Variants in CRTAM observed in about 807,000 individuals in gnomAD.
CRTAM encodes the protein cytotoxic and regulatory T-cell molecule.
In CRTAM, 44 loss-of-function variants were observed where a neutral mutation model predicts 50.0. The observed-to-expected ratio is 0.88, with a 90% confidence interval of 0.69 to 1.13. The LOEUF (loss-of-function observed/expected upper bound fraction) is 1.13. CRTAM is among the 50% of genes most tolerant of loss of function. The pLI is 0.00. For synonymous variants in CRTAM, 159 were observed against 169.3 expected (o/e 0.94, Z 0.47); for missense variants, 448 against 457.5 (o/e 0.98, Z 0.19).
chr11:122,838,589 C>T lies in CRTAM; in HGVS notation c.43C>T (p.Gln15Ter). 6.2e-7 allele frequency: 1 copy of T among 1,614,096 alleles called. No individual in the cohort carries two copies. Among genetic ancestry groups the T allele is most frequent in the African/African-American group, 1.3e-5 (1 of 75,056 alleles). ...CAGCTTGCTGGCATGGTTCCCCTTG[C>T]AAGGTAAGGACTTAGAGTTATTTTT... is the stretch of plus-strand genomic sequence containing the variant. ...VLSLLAWFPLQEASLTNHTET... is the reference protein window; with the variant it reads ...VLSLLAWFPL The change falls in exon 1 of 10, where the codon CAA becomes TAA. Residue 15 changes from glutamine to a stop codon, truncating the protein, a stop_gained. Transcript: ENST00000227348. LOFTEE classifies it high-confidence loss of function.
intron 1 of CRTAM, among the ~76,000 whole-genome samples, chr11:122,848,048 A>T (rs1000517833): frequency 1.3e-5 from 2 of 152,200 alleles, no homozygotes. Context: ...TTACACTGCA[A>T]CTGTGGGCTT....
At chr11:122,851,068 G>T (rs1269005984) in intron 2 of CRTAM, among the ~76,000 whole-genome samples, 1 of 151,910 alleles carries the variant, frequency 6.6e-6, no homozygotes, top group Non-Finnish European at 1.5e-5. Context: ...TTCAAGACCA[G>T]CCTGGCCAAT....
chr11:122,855,645 C>T lies in CRTAM; in HGVS notation c.491-50C>T, dbSNP rs115959193. The T allele has an allele frequency of 2.7e-3, 4,184 of 1,558,686 alleles. 68 individuals are homozygous for T. The African/African-American group carries it at 0.047, about 18-fold the overall frequency. ...GGCCATTGGCCTCTAATAGAACCAA[C>T]CTCATCCAGTAGCATTAAATAGCCA... On this transcript the variant is annotated intron_variant, in intron 4 of 9. Transcript: ENST00000227348.
intron 9 of CRTAM, among the ~76,000 whole-genome samples, chr11:122,868,361 G>GTC (rs1862209352): frequency 2.0e-5 from 3 of 152,052 alleles, no homozygotes; most frequent in Non-Finnish European, 4.4e-5. Flanking sequence ...CAAGTTCAAA[G>GTC]GCCTGAGAAC....
At chr11:122,858,683 C>T (rs2135244211) in intron 5 of CRTAM, among the ~76,000 whole-genome samples, 1 of 152,222 alleles carries the variant, frequency 6.6e-6, no homozygotes, top group Non-Finnish European at 1.5e-5. Flanking sequence ...GTGCACACAC[C>T]ACACCTGGTT....
At chr11:122,846,023 T>A (rs958636906) in intron 1 of CRTAM, among the ~76,000 whole-genome samples, 3 of 151,854 alleles carry the variant, frequency 2.0e-5, no homozygotes, top group African/African-American at 7.3e-5. Context: ...AAAAAAACAA[T>A]GATGGTAGAA....
intron 1 of CRTAM, among the ~76,000 whole-genome samples, chr11:122,839,460 C>T (rs892133159): frequency 1.3e-5 from 2 of 152,194 alleles, no homozygotes; most frequent in South Asian, 2.1e-4. Flanking sequence ...CCAATGAAAA[C>T]TTCGTGTTTA....
At chr11:122,868,157 G>A in intron 9 of CRTAM, 58 bp downstream of exon 9, 1 of 1,054,928 alleles carries the variant, frequency 9.5e-7, no homozygotes, top group East Asian at 2.4e-5. Context: ...GTATTAGTCA[G>A]ATTTCTCCAG....
chr11:122,866,023 C>T (rs985038800), intron 7 of CRTAM, among the ~76,000 whole-genome samples: 1 of 152,058 alleles, frequency 6.6e-6, no homozygotes, highest in Non-Finnish European at 1.5e-5. Flanking sequence ...AGCACCCTAC[C>T]ATCAAAATAT....
At chr11:122,843,665 C>T (rs74697618) in intron 1 of CRTAM, among the ~76,000 whole-genome samples, 135 of 152,202 alleles carry the variant, frequency 8.9e-4, no homozygotes, top group African/African-American at 3.2e-3. Flanking sequence ...TATCTCACAC[C>T]CCATCCCTCT....
intron 9 of CRTAM, 23 bp downstream of exon 9, chr11:122,868,122 G>C (rs765043815): frequency 2.8e-6 from 4 of 1,427,422 alleles, no homozygotes; most frequent in Non-Finnish European, 3.9e-6. Flanking sequence ...TATGACCTGA[G>C]ATCTGAACAA....
rs1861934466 is a variant in CRTAM at position 122,851,845 on chromosome 11, G to T, written c.346G>T (p.Ala116Ser). The T allele has an allele frequency of 6.2e-7, 1 of 1,613,808 alleles. No individual in the cohort carries two copies. The highest frequency in any genetic ancestry group is 1.3e-5 in the African/African-American group (1 of 74,904). The change falls in exon 3 of 10, where the codon GCA becomes TCA. Residue 116 changes from alanine to serine, a missense_variant and splice_region_variant. By Grantham distance (99) the Ala-to-Ser change is moderately conservative (BLOSUM62 1). Transcript: ENST00000227348. Reference sequence around the variant, plus strand: ...AAAGGAAGTGAAAGTGATTGTGCTGGGTAGGTACCTGCAAGTGAACCCAGT... The same window carrying T: ...AAAGGAAGTGAAAGTGATTGTGCTGTGTAGGTACCTGCAAGTGAACCCAGT... ...STKEVKVIVL[A>S]TPFKPILEAS...
chr11:122,842,788 G>T (rs2135228465), intron 1 of CRTAM, among the ~76,000 whole-genome samples: 1 of 152,278 alleles, frequency 6.6e-6, no homozygotes. Flanking sequence ...TCAAATATCT[G>T]GTGTGCAGTG....
intron 4 of CRTAM, among the ~76,000 whole-genome samples, chr11:122,854,542 T>C (rs1267703986): frequency 6.6e-6 from 1 of 151,546 alleles, no homozygotes; most frequent in Non-Finnish European, 1.5e-5. Flanking sequence ...TGGTGGTGCA[T>C]GCCTGTACTC....
At chr11:122,843,543 A>G (rs931855957) in intron 1 of CRTAM, among the ~76,000 whole-genome samples, 2 of 152,228 alleles carry the variant, frequency 1.3e-5, no homozygotes, top group East Asian at 3.8e-4. Context: ...AAGCTCAGAT[A>G]GGACTAGGAA....
At chr11:122,841,361 C>T (rs1861795127) in intron 1 of CRTAM, among the ~76,000 whole-genome samples, 2 of 151,824 alleles carry the variant, frequency 1.3e-5, no homozygotes, top group South Asian at 4.2e-4. Flanking sequence ...GCAAAGTTAG[C>T]ATCCTATTAT....
chr11:122,849,928 C>T (rs567095835), intron 1 of CRTAM, 140 bp from the exon 2 acceptor site: 4 of 693,598 alleles, frequency 5.8e-6, no homozygotes, highest in African/African-American at 1.8e-5. Flanking sequence ...TTGCCTCTCC[C>T]CTCCCATTTT....
chr11:122,863,439 A>T (rs1238971642), intron 6 of CRTAM, among the ~76,000 whole-genome samples: 2 of 152,226 alleles, frequency 1.3e-5, no homozygotes, highest in Non-Finnish European at 2.9e-5. Flanking sequence ...AAAGGCATAA[A>T]TTCCTACATA....
Position 122,850,116 on chromosome 11 carries a change from A to C in CRTAM, c.95A>C (p.Gln32Pro). 1.2e-6 allele frequency: 2 copies of C among 1,613,540 alleles called. No homozygotes were observed. Among genetic ancestry groups the C allele is most frequent in the Non-Finnish European group, 1.7e-6 (2 of 1,179,660 alleles). ...HTETITVEEG[Q>P]TLTLKCVTSL... ...GAAACCATCACCGTGGAGGAAGGCC[A>C]GACGCTCACTCTAAAGTGTGTCACT... Residue 32 changes from glutamine (Q) to proline (P), a missense_variant, in exon 2 of 10, where the codon CAG becomes CCG. Transcript: ENST00000227348.
Sources: gnomAD v4.1 joint callset for allele counts (sites outside exome capture counted in the v4.1 genomes callset) on GRCh38, gnomAD v4.1.1 for gene constraint, MANE v1.5 for transcripts, NCBI Gene and HGNC (gene_info 2026-07-23, HGNC 2026-07-21) for gene names.